Variants in DUSP10 observed in about 807,000 individuals in gnomAD.
The protein encoded by DUSP10 is dual specificity protein phosphatase 10.
Under a neutral mutation model 30.8 loss-of-function variants are expected in DUSP10, and 14 were observed. The observed-to-expected ratio is 0.46, with a 90% CI of 0.30 to 0.71. The LOEUF (loss-of-function observed/expected upper bound fraction) is 0.71, where lower values mean the gene tolerates loss of function less well. Among genes scored for constraint, DUSP10 ranks in the 30% least tolerant of loss-of-function variants. The pLI, the probability that DUSP10 is intolerant of heterozygous loss-of-function variation, is 0.08. For synonymous variants in DUSP10, 254 were observed against 250.4 expected (o/e 1.01, Z -0.14); for missense variants, 550 against 619.4 (o/e 0.89, Z 1.19).
rs74144915 is a variant in DUSP10, at chr1:221,727,177, G to A, written c.811+11757C>T. ...TTAACCTCCAAACTATACTCCCTTC[G>A]CAAGAAAATATATAAACTGAATACA... On this transcript the variant is annotated intron_variant, in intron 2 of 3. Transcript: ENST00000366899. 5.1e-3 allele frequency among the ~76,000 whole-genome samples: 782 copies of A among 152,144 alleles called. 4 individuals carry two copies. The highest frequency in any genetic ancestry group is 0.018 in the African/African-American group (729 of 41,484).
At chr1:221,709,015 A>C (rs1466544697) in intron 2 of DUSP10, among the ~76,000 whole-genome samples, 1 of 151,504 alleles carries the variant, frequency 6.6e-6, no homozygotes, top group Non-Finnish European at 1.5e-5. Context: ...AAAAAAAAAA[A>C]AAAACCAACA....
Position 221,706,304 on chromosome 1 carries a change from A to G in DUSP10, c.974T>C (p.Ile325Thr), listed in dbSNP as rs1660757861. 6.2e-7 allele frequency: 1 copy of G among 1,614,000 alleles called. No individual in the cohort carries two copies. Among genetic ancestry groups the G allele is most frequent in the Non-Finnish European group, 8.5e-7 (1 of 1,180,008 alleles). The change falls in exon 3 of 4, where the codon ATC becomes ACC. Residue 325 changes from isoleucine to threonine, a missense_variant. Coordinates refer to ENST00000366899, the MANE Select transcript of DUSP10 (RefSeq NM_007207.6). This position sits in a 1 kb window ranked among gnomAD's most constrained non-coding sequence, Gnocchi z 4.6. ...ATTGCCAAGGAACAGGAAGGGCAAG[A>G]TGGGGGTGAGCTCAGCGTTCTCGAT... The part of the protein sequence containing the change: ...PDIENAELTP[I>T]LPFLFLGNEQ...
chr1:221,739,636 G>C lies in DUSP10; in HGVS notation c.109C>G (p.Pro37Ala), dbSNP rs1259039285. 1 of 1,614,058 alleles carries C rather than the reference G, an allele frequency of 6.2e-7. No homozygotes were observed. Among genetic ancestry groups the C allele is most frequent in the African/African-American group, 1.3e-5 (1 of 74,922 alleles). The change falls in exon 2 of 4, where the codon CCA becomes GCA. Residue 37 changes from proline to alanine, a missense_variant. Physicochemically the swap from Pro to Ala is conservative, Grantham distance 27. Transcript: ENST00000366899. ...ACAGGAGGGTGGCTGTTACTGCCTG[G>C]GTTGGCAGAGCCAAGGTAACTAGAG... ...LDSSYLGSAN[P>A]GSNSHPPVIA...
intron 2 of DUSP10, among the ~76,000 whole-genome samples, chr1:221,716,535 C>T (rs565782304): frequency 1.1e-3 from 162 of 151,890 alleles, no homozygotes; most frequent in African/African-American, 3.8e-3. Flanking sequence ...ATTTTTTTTT[C>T]CACCAGAATT....
rs759706413 is a variant in DUSP10 at position 221,702,607 on chromosome 1, G to A, written c.1254C>T (p.Ile418=). 8.1e-6 allele frequency: 13 copies of A among 1,614,160 alleles called. No homozygotes were observed. The highest frequency in any genetic ancestry group is 1.7e-5 in the Admixed American group (1 of 60,022). The change falls in exon 4 of 4, where the codon ATC becomes ATT. Residue 418 remains isoleucine, a synonymous_variant. Coordinates refer to ENST00000366899, the MANE Select transcript of DUSP10 (RefSeq NM_007207.6). This position sits in a 1 kb window ranked among gnomAD's most constrained non-coding sequence, Gnocchi z 4.5. ...CQAGVSRSAT[I]VIAYLMKHTR... The stretch of plus-strand genomic sequence containing the variant: ...TGTGCTTCATCAAGTAAGCGATGAC[G>A]ATGGTGGCGGAGCGGGACACCCCAG...
rs1242410463 is a variant in DUSP10 at position 221,739,615 on chromosome 1, G to A, written c.130C>T (p.Pro44Ser). 2 of 1,614,196 alleles carry A rather than the reference G, an allele frequency of 1.2e-6. No individual in the cohort carries two copies. The highest frequency in any genetic ancestry group is 1.3e-5 in the African/African-American group (1 of 75,048). The change falls in exon 2 of 4, where the codon CCT becomes TCT. Residue 44 changes from proline (P) to serine (S), a missense_variant. By Grantham distance (74) the Pro-to-Ser change is moderately conservative (BLOSUM62 -1). Coordinates refer to ENST00000366899, the MANE Select transcript of DUSP10 (RefSeq NM_007207.6). ...GACACAACGGTGGTGGCGATGACAG[G>A]AGGGTGGCTGTTACTGCCTGGGTTG... ...SANPGSNSHP[P>S]VIATTVVSLK...
At chr1:221,715,500 C>A (rs936285614) in intron 2 of DUSP10, among the ~76,000 whole-genome samples, 4 of 152,196 alleles carry the variant, frequency 2.6e-5, no homozygotes, top group African/African-American at 4.8e-5. Flanking sequence ...TCTTGCCCCC[C>A]TCCTACCATT....
At chr1:221,731,262 G>A (rs1223719456) in intron 2 of DUSP10, among the ~76,000 whole-genome samples, 1 of 151,920 alleles carries the variant, frequency 6.6e-6, no homozygotes, top group African/African-American at 2.4e-5. Context: ...AATTGTACTT[G>A]CAAACATTTT....
At chr1:221,733,957 A>G (rs1661690748) in intron 2 of DUSP10, among the ~76,000 whole-genome samples, 1 of 152,244 alleles carries the variant, frequency 6.6e-6, no homozygotes, top group African/African-American at 2.4e-5. Context: ...GAGAGAGGAC[A>G]GCCAACTAAC....
intron 2 of DUSP10, among the ~76,000 whole-genome samples, chr1:221,710,554 A>G (rs541831244): frequency 3.3e-5 from 5 of 152,288 alleles, no homozygotes; most frequent in African/African-American, 1.2e-4. Flanking sequence ...TCTGCTTAAT[A>G]TAAAGACTCT....
In DUSP10 at chr1:221,739,697, C is replaced by T. The variant is rs1237166441; in HGVS notation, c.48G>A (p.Arg16=). The change falls in exon 2 of 4, where the codon AGG becomes AGA. Residue 16 remains arginine, a synonymous_variant. Transcript: ENST00000366899. The part of the protein sequence containing the change: ...LDDRVVVALS[R]PVRPQDLNLC... ...GGTTGAGATCCTGAGGTCGGACGGG[C>T]CTAGATAGTGCCACTACTACCCTGT... 1 of 1,612,902 alleles carries T rather than the reference C, an allele frequency of 6.2e-7. No individual in the cohort carries two copies. Among genetic ancestry groups the T allele is most frequent in the East Asian group, 2.2e-5 (1 of 44,876 alleles).
intron 2 of DUSP10, among the ~76,000 whole-genome samples, chr1:221,730,419 G>A (rs1487279195): frequency 2.0e-5 from 3 of 152,192 alleles, no homozygotes; most frequent in Admixed American, 1.3e-4. Context: ...ACAGATGCCT[G>A]ATGGTGGTCC....
chr1:221,712,889 T>C (rs1660983137), intron 2 of DUSP10, among the ~76,000 whole-genome samples: 1 of 151,988 alleles, frequency 6.6e-6, no homozygotes, highest in Admixed American at 6.6e-5. Flanking sequence ...GGGCTATCTT[T>C]CCATAACTAT....
At chr1:221,721,875 A>G (rs937934431) in intron 2 of DUSP10, among the ~76,000 whole-genome samples, 1 of 152,230 alleles carries the variant, frequency 6.6e-6, no homozygotes, top group Admixed American at 6.5e-5. Flanking sequence ...AGTGCTCAGT[A>G]TAGGGTATAC....
At chr1:221,725,340 T>G (rs1040038682) in intron 2 of DUSP10, among the ~76,000 whole-genome samples, 1 of 152,250 alleles carries the variant, frequency 6.6e-6, no homozygotes, top group Admixed American at 6.5e-5. Context: ...TGTATTAATA[T>G]GAAGTCTCTG....
intron 2 of DUSP10, among the ~76,000 whole-genome samples, chr1:221,712,530 G>A (rs1430638779): frequency 3.3e-5 from 5 of 152,060 alleles, no homozygotes; most frequent in Non-Finnish European, 5.9e-5. Context: ...AGTATCACAA[G>A]CTTAAAATAC....
At position 221,706,398 on chromosome 1, in the gene DUSP10, G is replaced by C; in HGVS notation, c.880C>G (p.Arg294Gly). The C allele has an allele frequency of 6.4e-7, 1 of 1,572,386 alleles. No individual in the cohort carries two copies. Residue 294 changes from arginine to glycine, a missense_variant, in exon 3 of 4, where the codon CGG becomes GGG. Arg to Gly is a moderately radical substitution (Grantham distance 125). Coordinates refer to ENST00000366899, the MANE Select transcript of DUSP10 (RefSeq NM_007207.6). This position sits in a 1 kb window ranked among gnomAD's most constrained non-coding sequence, Gnocchi z 4.6. ...GCGGATGCGCCGCCCCCCACCTCCC[G>C]GCACTCTTGGAGCTGGAGGGAGTTG... Reference protein sequence around the residue: ...CDNSLQLQECREVGGGASAAS... With the variant: ...CDNSLQLQECGEVGGGASAAS...
chr1:221,707,870 G>A (rs1241978795), intron 2 of DUSP10, among the ~76,000 whole-genome samples: 3 of 152,064 alleles, frequency 2.0e-5, no homozygotes, highest in Admixed American at 6.5e-5. Context: ...TACAAAAAAC[G>A]AACAATTGTT....
At position 221,702,134 on chromosome 1, in the gene DUSP10, G is replaced by A; in HGVS notation, c.*278C>T. ...CTCTACAAATAGCTTAAAAGGAAAA[G>A]GGGGAGAAACAAGTTGTATTATATT... On this transcript the variant is annotated 3_prime_UTR_variant, in exon 4 of 4. Transcript: ENST00000366899. This position sits in a 1 kb window ranked among gnomAD's most constrained non-coding sequence, Gnocchi z 4.5. The A allele has an allele frequency of 2.5e-6, 1 of 393,882 alleles. No homozygotes were observed. Among genetic ancestry groups the A allele is most frequent in the East Asian group, 5.1e-5 (1 of 19,718 alleles). 24.4% of individuals were successfully genotyped at this position (393,882 alleles called of 1,614,324 possible).
Sources: allele counts gnomAD v4.1 joint callset (sites outside exome capture counted in the v4.1 genomes callset), GRCh38; gene constraint gnomAD v4.1.1; non-coding constraint Gnocchi (gnomAD v3.1); transcripts MANE v1.5; gene names NCBI Gene and HGNC (gene_info 2026-07-23, HGNC 2026-07-21).